Variants in PARD3B observed in about 807,000 individuals in gnomAD.
The protein encoded by PARD3B is par-3 family cell polarity regulator beta, also known as partitioning defective 3 homolog B.
In PARD3B, 103 loss-of-function variants were observed where a neutral mutation model predicts 130.2. The observed-to-expected ratio is 0.79, with a 90% CI of 0.67 to 0.93. The LOEUF is 0.93. PARD3B is among the 40% of genes least tolerant of loss of function. The pLI, the probability that PARD3B is intolerant of heterozygous loss-of-function variation, is 0.00. For synonymous variants in PARD3B, 583 were observed against 553.2 expected (o/e 1.05, Z -0.76); for missense variants, 1,609 against 1,499.2 (o/e 1.07, Z -1.21).
chr2:205,485,275 C>T (rs2049394176), intron 20 of PARD3B, among the ~76,000 whole-genome samples: 1 of 152,156 alleles, frequency 6.6e-6, no homozygotes, highest in Non-Finnish European at 1.5e-5. Flanking sequence ...ATGCATCGTG[C>T]TTCATCACCA....
chr2:205,551,500 C>T (rs2106491021), intron 21 of PARD3B, among the ~76,000 whole-genome samples: 1 of 152,170 alleles, frequency 6.6e-6, no homozygotes, highest in East Asian at 1.9e-4. Flanking sequence ...AGTCTTCGTC[C>T]CTACCTACGT....
chr2:204,734,431 G>T (rs1400560618), intron 2 of PARD3B, among the ~76,000 whole-genome samples: 1 of 152,084 alleles, frequency 6.6e-6, no homozygotes, highest in African/African-American at 2.4e-5. Flanking sequence ...GAAACTTATG[G>T]TCCCACAAAT....
Position 205,473,446 on chromosome 2 carries a change from T to G in PARD3B, c.3045-26450T>G, listed in dbSNP as rs1360551386. Among the ~76,000 whole-genome samples the G allele has an allele frequency of 6.6e-6, 1 of 151,990 alleles. No homozygotes were observed. Among genetic ancestry groups the G allele is most frequent in the African/African-American group, 2.4e-5 (1 of 41,426 alleles). ...CCATTGTGTCTAAATGTTAACTCTC[T>G]TATTAAGCTCCATTAAAGGGTTTTA... On this transcript the variant is annotated intron_variant, in intron 20 of 22. Transcript: ENST00000406610. This position sits in a 1 kb window ranked among gnomAD's most constrained non-coding sequence, Gnocchi z 4.9.
intron 18 of PARD3B, among the ~76,000 whole-genome samples, chr2:205,332,934 C>G (rs1211435253): frequency 6.6e-6 from 1 of 152,044 alleles, no homozygotes; most frequent in East Asian, 1.9e-4. Context: ...GTGATTCATT[C>G]CTTAGCTGTT....
chr2:205,126,571 C>A (rs1160921605), intron 10 of PARD3B, among the ~76,000 whole-genome samples: 18 of 148,216 alleles, frequency 1.2e-4, no homozygotes, highest in African/African-American at 4.2e-4. Flanking sequence ...GAAACCCCGT[C>A]TCTACTAAAA....
chr2:205,468,691 C>T (rs1438643110), intron 20 of PARD3B, among the ~76,000 whole-genome samples: 1 of 152,104 alleles, frequency 6.6e-6, no homozygotes, highest in Non-Finnish European at 1.5e-5. Context: ...TGCATTTTCA[C>T]GGTGAGCATC....
intron 3 of PARD3B, among the ~76,000 whole-genome samples, chr2:205,032,286 A>G (rs1046224980): frequency 3.9e-5 from 6 of 152,112 alleles, no homozygotes; most frequent in Admixed American, 1.3e-4. Context: ...CAGCAGCCAT[A>G]TGAAACACCT....
chr2:205,598,897 C>A (rs765912217), intron 22 of PARD3B, among the ~76,000 whole-genome samples: 52 of 152,002 alleles, frequency 3.4e-4, no homozygotes, highest in Non-Finnish European at 7.2e-4. Flanking sequence ...AGGCAGAAAT[C>A]AAAAAATTCT....
Position 204,597,061 on chromosome 2 carries a change from G to T in PARD3B, c.120+50942G>T, listed in dbSNP as rs528077896. On this transcript the variant is annotated intron_variant, in intron 1 of 22. Coordinates refer to ENST00000406610, the MANE Select transcript of PARD3B (RefSeq NM_001302769.2). ...GTGGTCTCTAAATTGTGTAAAGGCAGCAATTTCAGGCTTTTAAGGAATCAA... is the reference window on the plus strand; with the variant it reads ...GTGGTCTCTAAATTGTGTAAAGGCATCAATTTCAGGCTTTTAAGGAATCAA... 3.3e-5 allele frequency among the ~76,000 whole-genome samples: 5 copies of T among 152,138 alleles called. No individual in the cohort carries two copies. In the South Asian group the frequency reaches 8.3e-4, roughly 25 times the overall value.
intron 11 of PARD3B, among the ~76,000 whole-genome samples, chr2:205,171,392 C>T (rs1220082073): frequency 6.6e-6 from 1 of 152,150 alleles, no homozygotes; most frequent in East Asian, 1.9e-4. Context: ...CTGATCTAGG[C>T]CTCTGCTTAT....
chr2:205,488,313 A>G (rs2049527903), intron 20 of PARD3B, among the ~76,000 whole-genome samples: 1 of 152,060 alleles, frequency 6.6e-6, no homozygotes, highest in Non-Finnish European at 1.5e-5. Flanking sequence ...GATTCTCATA[A>G]GGACCATGCA....
chr2:204,842,771 T>C (rs942197888), intron 2 of PARD3B, among the ~76,000 whole-genome samples: 13 of 152,182 alleles, frequency 8.5e-5, no homozygotes, highest in African/African-American at 3.1e-4. Flanking sequence ...AAAATCGCTC[T>C]GTACAGCAGG....
At chr2:204,934,936 C>G (rs1268173446) in intron 2 of PARD3B, among the ~76,000 whole-genome samples, 1 of 152,022 alleles carries the variant, frequency 6.6e-6, no homozygotes, top group Non-Finnish European at 1.5e-5. Flanking sequence ...TTTAATTGTT[C>G]TGAGCACAGA....
At chr2:205,262,905 A>G (rs918640078) in intron 16 of PARD3B, among the ~76,000 whole-genome samples, 3 of 152,102 alleles carry the variant, frequency 2.0e-5, no homozygotes, top group East Asian at 1.9e-4. Flanking sequence ...ATATGAATAC[A>G]TATTGGAGCA....
chr2:204,566,643 C>G (rs1203981497), intron 1 of PARD3B, among the ~76,000 whole-genome samples: 3 of 152,098 alleles, frequency 2.0e-5, no homozygotes, highest in Non-Finnish European at 4.4e-5. Flanking sequence ...TGAAAATATT[C>G]TGTTGCGTAA....
At position 205,292,529 on chromosome 2, in the gene PARD3B, G is replaced by A. The variant is rs991874026; in HGVS notation, c.2186-8001G>A. Reference sequence around the variant, plus strand: ...AAACACAGGAATCATACTCAGGGTGGTGAGATGCTCAGCATGAGAGAGGCA... The same window carrying A: ...AAACACAGGAATCATACTCAGGGTGATGAGATGCTCAGCATGAGAGAGGCA... On this transcript the variant is annotated intron_variant, in intron 16 of 22. Transcript: ENST00000406610. The surrounding 1 kb of genome is among the most constrained non-coding windows in gnomAD (Gnocchi z 5.3). Among the ~76,000 whole-genome samples the A allele has an allele frequency of 6.6e-6, 1 of 152,114 alleles. No homozygotes were observed. Among genetic ancestry groups the A allele is most frequent in the African/African-American group, 2.4e-5 (1 of 41,398 alleles).
At chr2:205,285,796 TTTGA>T (rs2041373394) in intron 16 of PARD3B, among the ~76,000 whole-genome samples, 2 of 152,264 alleles carry the variant, frequency 1.3e-5, no homozygotes, top group African/African-American at 4.8e-5. Context: ...TTGGGATGCT[TTTGA>T]GTTTTGCATT....
At chr2:205,057,607 G>GTATGTGTATACGTATATATACATA (rs1553605803) in intron 4 of PARD3B, among the ~76,000 whole-genome samples, 21 of 68,466 alleles carry the variant, frequency 3.1e-4, no homozygotes, top group Admixed American at 5.8e-4. Flanking sequence ...ACATATATGT[G>GTATGTGTATACGTATATATACATA]TATGTGTATG....
At chr2:205,552,764 A>G (rs542822510) in intron 21 of PARD3B, among the ~76,000 whole-genome samples, 1 of 152,204 alleles carries the variant, frequency 6.6e-6, no homozygotes, top group East Asian at 2.0e-4. Context: ...GAAGAGCTAT[A>G]ATGGCGTGAA....
Sources: gnomAD v4.1 joint callset for allele counts (sites outside exome capture counted in the v4.1 genomes callset) on GRCh38, gnomAD v4.1.1 for gene constraint, Gnocchi (gnomAD v3.1) non-coding constraint, MANE v1.5 for transcripts, NCBI Gene and HGNC (gene_info 2026-07-23, HGNC 2026-07-21) for gene names.